PACC1: variants seen among roughly 807,000 people sequenced by gnomAD.
PACC1 encodes the protein proton activated chloride channel 1, also known as proton-activated chloride channel.
PACC1 carries 34 observed loss-of-function variants against 39.7 expected under a neutral mutation model. That is an observed-to-expected ratio of 0.86 (90% confidence interval 0.65 to 1.14). PACC1 has a LOEUF of 1.14. Ranked by LOEUF, PACC1 falls within the 50% of genes most tolerant of loss-of-function variation. The pLI, the probability that PACC1 is intolerant of heterozygous loss-of-function variation, is 0.00. For missense variants in PACC1, 379 were observed against 436.4 expected (o/e 0.87, Z 1.17); for synonymous variants, 127 against 160.6 (o/e 0.79, Z 1.58).
At chr1:212,371,246 AAAAAAAAAAAAAAG>A (rs886680124) in intron 7 of PACC1, among the ~76,000 whole-genome samples, 1 of 148,026 alleles carries the variant, frequency 6.8e-6, no homozygotes, top group African/African-American at 2.6e-5. Context: ...CATTTCAAAA[AAAAAAAAAAAAAAG>A]AAAGAAAAGT....
intron 1 of PACC1, among the ~76,000 whole-genome samples, chr1:212,411,262 G>A (rs1182562686): frequency 6.6e-6 from 1 of 152,180 alleles, no homozygotes; most frequent in East Asian, 1.9e-4. Flanking sequence ...CTTCCCAAAG[G>A]AAGAGGAAAT....
chr1:212,383,893 G>T (rs190149667), intron 4 of PACC1, among the ~76,000 whole-genome samples: 82 of 152,196 alleles, frequency 5.4e-4, no homozygotes, highest in Middle Eastern at 6.8e-3. Context: ...GTAGAGAATG[G>T]TTCCAGGGTC....
chr1:212,401,401 G>A (rs1487682784), intron 2 of PACC1, among the ~76,000 whole-genome samples: 1 of 152,068 alleles, frequency 6.6e-6, no homozygotes, highest in Non-Finnish European at 1.5e-5. Context: ...TGAGGTGGGA[G>A]GATCACCTGA....
In PACC1 at chr1:212,376,009, T is replaced by C. The variant is rs570690212; in HGVS notation, c.784-709A>G. 3.3e-5 allele frequency among the ~76,000 whole-genome samples: 5 copies of C among 152,350 alleles called. No homozygotes were observed. The South Asian group carries it at 8.3e-4, about 25-fold the overall frequency. Reference sequence around the variant, plus strand: ...TCAGATCAAGTATTTCTCTGAATTTTCAACGCTTGTTTCAACCCTTCAAGT... The same window carrying C: ...TCAGATCAAGTATTTCTCTGAATTTCCAACGCTTGTTTCAACCCTTCAAGT... On this transcript the variant is annotated intron_variant, in intron 6 of 7. Transcript: ENST00000261455.
intron 7 of PACC1, among the ~76,000 whole-genome samples, chr1:212,371,207 C>T (rs994881374): frequency 7.2e-6 from 1 of 138,744 alleles, no homozygotes; most frequent in African/African-American, 2.7e-5. Context: ...ATCGCAACTG[C>T]ACTCCAGCCT....
chr1:212,379,609 C>T (rs1660800761), intron 5 of PACC1, among the ~76,000 whole-genome samples: 1 of 152,220 alleles, frequency 6.6e-6, no homozygotes, highest in Non-Finnish European at 1.5e-5. Flanking sequence ...TCCCCTACTC[C>T]TCAGCAGCCC....
In PACC1 at chr1:212,414,198, T is replaced by TTGAA. The variant is rs1662242672; in HGVS notation, c.36+523_36+524insTTCA. ...AACTAGCAGAGTCCATGAAGGCACT[T>TTGAA]TTTCAAAGTTAGGTGGTCACCAAAA... On this transcript the variant is annotated intron_variant, in intron 1 of 7. Transcript: ENST00000261455. 2.9e-5 allele frequency: 34 copies of TTGAA among 1,152,774 alleles called. No individual in the cohort carries two copies. In the South Asian group the frequency reaches 5.9e-4, roughly 20 times the overall value. 71.4% of individuals were successfully genotyped at this position (1,152,774 alleles called of 1,614,324 possible).
intron 2 of PACC1, among the ~76,000 whole-genome samples, chr1:212,395,761 CA>C (rs1349102602): frequency 6.6e-6 from 1 of 151,984 alleles, no homozygotes; most frequent in Non-Finnish European, 1.5e-5. Flanking sequence ...ACAACCCCAT[CA>C]ACAAGTGAGT....
At chr1:212,407,891 A>G (rs1661975812) in intron 2 of PACC1, among the ~76,000 whole-genome samples, 1 of 152,152 alleles carries the variant, frequency 6.6e-6, no homozygotes, top group Non-Finnish European at 1.5e-5. Context: ...CCTGGCCAAC[A>G]TGGTGAAACC....
Position 212,386,146 on chromosome 1 carries a change from C to T in PACC1, c.344-721G>A, listed in dbSNP as rs1281708407. Among the ~76,000 whole-genome samples the T allele has an allele frequency of 2.0e-5, 3 of 152,150 alleles. No homozygotes were observed. The highest frequency in any genetic ancestry group is 6.5e-5 in the Admixed American group (1 of 15,282). Reference sequence around the variant, plus strand: ...GCAGGAAGCCCCAGAGAGAGGGCACCCGGACTCTGGCTCTGCCATGTGAGC... The same window carrying T: ...GCAGGAAGCCCCAGAGAGAGGGCACTCGGACTCTGGCTCTGCCATGTGAGC... On this transcript the variant is annotated intron_variant, in intron 3 of 7. Coordinates refer to ENST00000261455, the MANE Select transcript of PACC1 (RefSeq NM_018252.3). The surrounding 1 kb of genome is among the most constrained non-coding windows in gnomAD (Gnocchi z 5.0).
chr1:212,389,561 T>C (rs1242473517), intron 2 of PACC1, among the ~76,000 whole-genome samples: 1 of 152,170 alleles, frequency 6.6e-6, no homozygotes, highest in Non-Finnish European at 1.5e-5. Flanking sequence ...AAATGTGACC[T>C]GTACTCAAGA....
rs747225656 is a variant in PACC1 at position 212,410,507 on chromosome 1, C to T, written c.51G>A (p.Leu17=). 10 of 1,614,156 alleles carry T rather than the reference C, an allele frequency of 6.2e-6. No individual in the cohort carries two copies. The highest frequency in any genetic ancestry group is 3.3e-5 in the South Asian group (3 of 91,074). The change falls in exon 2 of 8, where the codon TTG becomes TTA. Residue 17 remains leucine, a synonymous_variant. Coordinates refer to ENST00000261455, the MANE Select transcript of PACC1 (RefSeq NM_018252.3). The part of the protein sequence containing the change: ...STSYQELSEE[L]VQVVENSELA... The stretch of plus-strand genomic sequence containing the variant: ...GCTCTGAGTTCTCAACCACCTGGAC[C>T]AACTCCTCACTCAGCTAAAGGGAGA...
chr1:212,390,764 G>T (rs1661288219), intron 2 of PACC1, among the ~76,000 whole-genome samples: 1 of 152,350 alleles, frequency 6.6e-6, no homozygotes, highest in Non-Finnish European at 1.5e-5. Context: ...TTTTCCAATG[G>T]TCTTAGCAAA....
At chr1:212,407,106 T>C (rs192881995) in intron 2 of PACC1, among the ~76,000 whole-genome samples, 3 of 152,368 alleles carry the variant, frequency 2.0e-5, no homozygotes, top group Non-Finnish European at 2.9e-5. Context: ...CTAAGGTTGC[T>C]AATCAGCTGA....
chr1:212,392,867 AT>A (rs1462097388), intron 2 of PACC1, among the ~76,000 whole-genome samples: 5 of 151,908 alleles, frequency 3.3e-5, no homozygotes, highest in Non-Finnish European at 5.9e-5. Context: ...AAAGGGATCA[AT>A]TCAACAAGAA....
chr1:212,371,250 AAAAAAAAAAG>A (rs1035186729), intron 7 of PACC1, among the ~76,000 whole-genome samples: 1 of 144,186 alleles, frequency 6.9e-6, no homozygotes, highest in African/African-American at 2.9e-5. Context: ...TCAAAAAAAA[AAAAAAAAAAG>A]AAAGAAAAGT....
chr1:212,393,415 T>C (rs1661399329), intron 2 of PACC1, among the ~76,000 whole-genome samples: 1 of 152,148 alleles, frequency 6.6e-6, no homozygotes, highest in South Asian at 2.1e-4. Context: ...CATACCAGAA[T>C]CTCTGGGACA....
At chr1:212,402,572 G>C (rs910585801) in intron 2 of PACC1, among the ~76,000 whole-genome samples, 13 of 152,250 alleles carry the variant, frequency 8.5e-5, no homozygotes, top group South Asian at 4.1e-4. Flanking sequence ...TCCCTTATCA[G>C]GTGTATGATT....
chr1:212,365,478 C>CTTGTG (rs1447123401), intron 7 of PACC1, 102 bp from the exon 8 acceptor site: 8 of 1,271,910 alleles, frequency 6.3e-6, no homozygotes, highest in Non-Finnish European at 8.4e-6. Flanking sequence ...GTCACCCAGG[C>CTTGTG]TTGTGTGCGT....
Sources: gnomAD v4.1 joint callset for allele counts (sites outside exome capture counted in the v4.1 genomes callset) on GRCh38, gnomAD v4.1.1 for gene constraint, Gnocchi (gnomAD v3.1) non-coding constraint, MANE v1.5 for transcripts, NCBI Gene and HGNC (gene_info 2026-07-23, HGNC 2026-07-21) for gene names.